The following ERO1A variants were observed in gnomAD, a reference collection of about 807,000 sequenced individuals.
ERO1A encodes endoplasmic reticulum oxidoreductase 1 alpha.
ERO1A carries 49 observed loss-of-function variants against 76.9 expected under a neutral mutation model. The ratio of observed to expected loss-of-function variants is 0.64; its 90% confidence interval spans 0.51 to 0.81. ERO1A has a LOEUF of 0.81. ERO1A is among the 30% of genes least tolerant of loss of function. The pLI, the probability that ERO1A is intolerant of heterozygous loss-of-function variation, is 0.00. For synonymous variants in ERO1A, 174 were observed against 181.2 expected, an observed-to-expected ratio of 0.96 and a Z score of 0.32; for missense variants, 448 against 542.1, an observed-to-expected ratio of 0.83 and a Z score of 1.72.
chr14:52,652,736 G>A (rs1402086778), intron 12 of ERO1A, among the ~76,000 whole-genome samples: 1 of 152,198 alleles, frequency 6.6e-6, no homozygotes, highest in African/African-American at 2.4e-5. Context: ...GCCTGCACCT[G>A]TAATCCCAGC....
intron 1 of ERO1A, among the ~76,000 whole-genome samples, chr14:52,689,979 CAT>C (rs549569092): frequency 2.6e-5 from 4 of 152,168 alleles, no homozygotes; most frequent in Non-Finnish European, 5.9e-5. Context: ...TAAACCCACA[CAT>C]GTCTGGCCAA....
At chr14:52,676,893 T>G (rs1251359871) in intron 4 of ERO1A, among the ~76,000 whole-genome samples, 1 of 139,636 alleles carries the variant, frequency 7.2e-6, no homozygotes, top group Admixed American at 7.2e-5. Context: ...AAAAAAAAAG[T>G]ATTTGTCTAC....
chr14:52,643,681 T>A, intron 15 of ERO1A, 51 bp from the exon 16 acceptor site: 1 of 983,278 alleles, frequency 1.0e-6, no homozygotes, highest in Non-Finnish European at 1.5e-6. Context: ...AAATTTTATC[T>A]GTAAAAGTTA....
chr14:52,663,430 T>C (rs1386651050), intron 8 of ERO1A, among the ~76,000 whole-genome samples: 1 of 151,800 alleles, frequency 6.6e-6, no homozygotes, highest in African/African-American at 2.4e-5. Context: ...AAACCTCATC[T>C]CTACTAAAAA....
chr14:52,677,335 A>G (rs1481857566), intron 4 of ERO1A, among the ~76,000 whole-genome samples: 1 of 152,184 alleles, frequency 6.6e-6, no homozygotes, highest in East Asian at 1.9e-4. Flanking sequence ...GTAAGTACAC[A>G]GTAACTCCTA....
chr14:52,651,228 C>G (rs181659327), intron 13 of ERO1A, among the ~76,000 whole-genome samples: 3 of 151,794 alleles, frequency 2.0e-5, no homozygotes, highest in Non-Finnish European at 4.4e-5. Context: ...TTCAAGGTAG[C>G]AATGAGCCGT....
intron 9 of ERO1A, among the ~76,000 whole-genome samples, chr14:52,659,799 TTGTG>T (rs140211207): frequency 6.7e-6 from 1 of 148,842 alleles, no homozygotes. Context: ...AGTTCAGTGT[TTGTG>T]TGTGTGTGTG....
Position 52,653,292 on chromosome 14 carries a change from C to T in ERO1A, c.832G>A (p.Gly278Arg). 6.2e-7 allele frequency: 1 copy of T among 1,603,900 alleles called. No homozygotes were observed. The highest frequency in any genetic ancestry group is 1.1e-5 in the South Asian group (1 of 88,724). The change falls in exon 12 of 16, where the codon GGA becomes AGA. Residue 278 changes from glycine to arginine, a missense_variant. By Grantham distance (125) the Gly-to-Arg change is moderately radical. This residue lies in a region of ERO1A where 302 missense variants were observed against 411.9 expected (regional missense o/e 0.73). Coordinates refer to ENST00000395686, the MANE Select transcript of ERO1A (RefSeq NM_014584.3). ...TGTTGAAATTCTGTAATGTTGTGTC[C>T]CCATTTCTTTTCTAACCAGGTCTCT... is the stretch of plus-strand genomic sequence containing the variant. ...LQETWLEKKW[G>R]HNITEFQQRF...
chr14:52,663,747 G>T, intron 8 of ERO1A, 54 bp downstream of exon 8: 2 of 1,086,576 alleles, frequency 1.8e-6, no homozygotes, highest in Non-Finnish European at 2.8e-6. Context: ...CCCTTCCTTT[G>T]AATTAAAGTT....
At chr14:52,650,490 TAA>T (rs34931114) in intron 13 of ERO1A, among the ~76,000 whole-genome samples, 21 of 142,688 alleles carry the variant, frequency 1.5e-4, no homozygotes, top group African/African-American at 3.1e-4. Context: ...TAAACCTACT[TAA>T]AAAAAAAAAA....
At chr14:52,659,711 T>C (rs541455816) in intron 9 of ERO1A, among the ~76,000 whole-genome samples, 2 of 152,212 alleles carry the variant, frequency 1.3e-5, no homozygotes, top group Admixed American at 6.5e-5. Context: ...TCAAGGTTCT[T>C]TTTTTCAAGT....
chr14:52,685,591 T>C (rs1209760942), intron 1 of ERO1A, among the ~76,000 whole-genome samples: 2 of 152,186 alleles, frequency 1.3e-5, no homozygotes, highest in Non-Finnish European at 2.9e-5. Flanking sequence ...CAAAGGGACA[T>C]ATGCAAAGTA....
chr14:52,691,291 A>C (rs80158564), intron 1 of ERO1A, among the ~76,000 whole-genome samples: 1 of 152,210 alleles, frequency 6.6e-6, no homozygotes, highest in Non-Finnish European at 1.5e-5. Flanking sequence ...CACACCAGGT[A>C]GTAGGCACCA....
At chr14:52,647,299 C>T (rs1189091749) in intron 13 of ERO1A, among the ~76,000 whole-genome samples, 2 of 151,060 alleles carry the variant, frequency 1.3e-5, no homozygotes, top group Admixed American at 1.3e-4. Context: ...TGTGCCCAGC[C>T]CTTTGGTTTC....
chr14:52,680,291 GGTT>G (rs1450838886), intron 3 of ERO1A, among the ~76,000 whole-genome samples: 7 of 151,986 alleles, frequency 4.6e-5, no homozygotes, highest in Non-Finnish European at 8.8e-5. Flanking sequence ...TGCTAAAATT[GGTT>G]GTTTTCTCTT....
chr14:52,693,934 A>T (rs2041447814), intron 1 of ERO1A, among the ~76,000 whole-genome samples: 2 of 152,234 alleles, frequency 1.3e-5, no homozygotes, highest in African/African-American at 4.8e-5. Context: ...AAAGAGGAAA[A>T]GTTTAATCAC....
In ERO1A at chr14:52,652,995, A is replaced by C. The variant is rs557965846; in HGVS notation, c.1055+74T>G. 451 of 394,346 alleles carry C rather than the reference A, an allele frequency of 1.1e-3. 3 individuals are homozygous for C. The highest frequency in any genetic ancestry group is 9.2e-3 in the African/African-American group (418 of 45,588). 24.4% of individuals were successfully genotyped at this position (394,346 alleles called of 1,614,324 possible). A position where few individuals can be genotyped will look rare whatever the true frequency, so the allele number is the denominator to read the frequency against. On this transcript the variant is annotated intron_variant, in intron 12 of 15. Coordinates refer to ENST00000395686, the MANE Select transcript of ERO1A (RefSeq NM_014584.3). The stretch of plus-strand genomic sequence containing the variant: ...GGGCAACAGAGGGAGAGCCTGTCTC[A>C]AAAAAAAAAAAATTTATCTTGTACA...
chr14:52,658,734 A>C (rs1486222394), intron 9 of ERO1A, among the ~76,000 whole-genome samples: 1 of 152,178 alleles, frequency 6.6e-6, no homozygotes, highest in Non-Finnish European at 1.5e-5. Flanking sequence ...GATAATGCCT[A>C]AATTAACATG....
chr14:52,680,346 T>G (rs939168717), intron 3 of ERO1A, among the ~76,000 whole-genome samples: 2 of 152,224 alleles, frequency 1.3e-5, no homozygotes, highest in Non-Finnish European at 2.9e-5. Context: ...GTCTGTCAAC[T>G]GATGGAATCA....
Sources: allele counts gnomAD v4.1 joint callset (sites outside exome capture counted in the v4.1 genomes callset), GRCh38; gene constraint gnomAD v4.1.1; regional missense constraint gnomAD v4.1.1; transcripts MANE v1.5; gene names NCBI Gene and HGNC (gene_info 2026-07-23, HGNC 2026-07-21).